The following MET variants were observed in gnomAD, a reference collection of about 807,000 sequenced individuals.
MET encodes MET proto-oncogene, receptor tyrosine kinase.
MET carries 48 observed loss-of-function variants against 133.1 expected under a neutral mutation model. The observed-to-expected ratio is 0.36, with a 90% CI of 0.29 to 0.46. MET has a LOEUF of 0.46. Ranked by LOEUF, MET falls within the 20% of genes least tolerant of loss-of-function variation. MET has a pLI of 1.00. For synonymous variants in MET, 628 were observed against 616.5 expected, an observed-to-expected ratio of 1.02 and a Z score of -0.28; for missense variants, 1,442 against 1,695.9, an observed-to-expected ratio of 0.85 and a Z score of 2.63.
At chr7:116,766,540 A>G (rs1424956700) in intron 11 of MET, among the ~76,000 whole-genome samples, 2 of 152,126 alleles carry the variant, frequency 1.3e-5, no homozygotes, top group Non-Finnish European at 2.9e-5. Context: ...TGAATAATTT[A>G]TGTGCAACTC....
rs41737 is a variant in MET at position 116,796,043 on chromosome 7, G to A, written c.4092G>A (p.Pro1364=). ...ATGTGAACGTAAAATGTGTCGCTCC[G>A]TATCCTTCTCTGTTGTCATCAGAAG... ...ATYVNVKCVA[P]YPSLLSSEDN... Residue 1364 remains proline, a synonymous_variant, in exon 21 of 21, where the codon CCG becomes CCA. Transcript: ENST00000397752. 703,003 of 1,613,794 alleles carry A rather than the reference G, an allele frequency of 0.44. 158,361 individuals are homozygous for A. The highest frequency in any genetic ancestry group is 0.49 in the Admixed American group (29,645 of 59,998).
intron 5 of MET, among the ~76,000 whole-genome samples, chr7:116,746,505 G>C (rs201419562): frequency 2.6e-5 from 4 of 152,066 alleles, no homozygotes; most frequent in African/African-American, 7.2e-5. Context: ...GCACTATTCA[G>C]AATAGCAAAG....
rs2116983199 is a variant in MET at position 116,769,693 on chromosome 7, G to A, written c.2632G>A (p.Gly878Arg). The A allele has an allele frequency of 6.2e-7, 1 of 1,613,142 alleles. No individual in the cohort carries two copies. Among genetic ancestry groups the A allele is most frequent in the Non-Finnish European group, 8.5e-7 (1 of 1,179,660 alleles). Residue 878 changes from glycine (G) to arginine (R), a missense_variant, in exon 12 of 21, where the codon GGA becomes AGA. Transcript: ENST00000397752. ...EAVKGEVLKV[G>R]NKSCENIHLH... Reference sequence around the variant, plus strand: ...AGTTAAAGGTGAAGTGTTAAAAGTTGGAAATAAGAGCTGTGAGAATATACA... The same window carrying A: ...AGTTAAAGGTGAAGTGTTAAAAGTTAGAAATAAGAGCTGTGAGAATATACA...
chr7:116,764,621 C>T (rs927417354), intron 11 of MET, among the ~76,000 whole-genome samples: 6 of 152,182 alleles, frequency 3.9e-5, no homozygotes, highest in Non-Finnish European at 7.4e-5. Context: ...GAGAAAACTT[C>T]TCTTTCCATA....
chr7:116,709,041 C>A lies in MET; in HGVS notation c.1200+8757C>A, dbSNP rs963251827. 6.5e-4 allele frequency among the ~76,000 whole-genome samples: 99 copies of A among 152,276 alleles called. 2 individuals are homozygous for A. Among genetic ancestry groups the A allele is most frequent in the African/African-American group, 2.3e-3 (96 of 41,550 alleles). ...GCATCCATTTTTAGACCATTTCCTT[C>A]TCATGAGAATCATGTGCATGGAGGG... On this transcript the variant is annotated intron_variant, in intron 2 of 20. Coordinates refer to ENST00000397752, the MANE Select transcript of MET (RefSeq NM_000245.4).
At chr7:116,755,598 A>G (rs2116912075) in intron 6 of MET, 83 bp downstream of exon 6, 1 of 1,552,434 alleles carries the variant, frequency 6.4e-7, no homozygotes, top group South Asian at 1.1e-5. Context: ...AAAATTGCTC[A>G]AGAAGCTCAT....
At chr7:116,767,167 C>A (rs1415907396) in intron 11 of MET, among the ~76,000 whole-genome samples, 1 of 152,256 alleles carries the variant, frequency 6.6e-6, no homozygotes, top group East Asian at 1.9e-4. Context: ...ACTTGAAGGA[C>A]CCTCCTCTCA....
intron 17 of MET, among the ~76,000 whole-genome samples, chr7:116,779,936 T>C (rs1188974766): frequency 6.6e-6 from 1 of 152,152 alleles, no homozygotes; most frequent in African/African-American, 2.4e-5. Context: ...AATAAACAAA[T>C]AAACAATAGC....
At chr7:116,738,815 G>A (rs1793336670) in intron 3 of MET, among the ~76,000 whole-genome samples, 1 of 152,204 alleles carries the variant, frequency 6.6e-6, no homozygotes, top group African/African-American at 2.4e-5. Context: ...GTGTTTGTTA[G>A]AGTACAAAGC....
At chr7:116,738,518 C>T (rs1180735012) in intron 3 of MET, among the ~76,000 whole-genome samples, 1 of 152,108 alleles carries the variant, frequency 6.6e-6, no homozygotes, top group African/African-American at 2.4e-5. Flanking sequence ...ACCAAGTGAC[C>T]CTTCATCCAT....
At chr7:116,707,818 T>C (rs1217657808) in intron 2 of MET, among the ~76,000 whole-genome samples, 3 of 152,186 alleles carry the variant, frequency 2.0e-5, no homozygotes, top group Admixed American at 2.0e-4. Context: ...AAAAATATCT[T>C]GACAATAAAA....
At chr7:116,698,664 T>A (rs1797051431) in intron 1 of MET, among the ~76,000 whole-genome samples, 1 of 152,242 alleles carries the variant, frequency 6.6e-6, no homozygotes, top group Non-Finnish European at 1.5e-5. Context: ...TTCCTTTACT[T>A]GACTAACAGA....
intron 1 of MET, 149 bp downstream of exon 1, chr7:116,672,726 A>C (rs963338663): frequency 4.9e-5 from 18 of 368,912 alleles, no homozygotes; most frequent in African/African-American, 3.6e-4. Flanking sequence ...AACTGAAGAG[A>C]CGTGGCCACG....
intron 1 of MET, 99 bp downstream of exon 1, chr7:116,672,676 G>A (rs889595920): frequency 2.7e-6 from 1 of 372,890 alleles, no homozygotes; most frequent in Non-Finnish European, 4.8e-6. Flanking sequence ...GTTCCAGGGG[G>A]CAAAACCACG....
chr7:116,765,286 C>CAAAAAA (rs754418396), intron 11 of MET, among the ~76,000 whole-genome samples: 2 of 31,888 alleles, frequency 6.3e-5, no homozygotes, highest in African/African-American at 1.1e-4. Flanking sequence ...GGAGACAGAG[C>CAAAAAA]AAAAAAAAAA....
chr7:116,793,347 G>C (rs1360762307), intron 19 of MET, among the ~76,000 whole-genome samples: 1 of 151,702 alleles, frequency 6.6e-6, no homozygotes, highest in Non-Finnish European at 1.5e-5. Context: ...GCTAATTTTT[G>C]TATTTTTAGT....
chr7:116,716,423 GGAAGGAAAGAAA>G (rs1051037610), intron 2 of MET, among the ~76,000 whole-genome samples: 31 of 141,114 alleles, frequency 2.2e-4, no homozygotes, highest in East Asian at 2.1e-3. Context: ...GAAAGAGTAA[GGAAGGAAAGAAA>G]GAAGGAAAGA....
intron 5 of MET, among the ~76,000 whole-genome samples, chr7:116,750,192 T>A (rs1793861567): frequency 6.6e-6 from 1 of 151,738 alleles, no homozygotes; most frequent in African/African-American, 2.4e-5. Context: ...TACTACAAGG[T>A]TGCAGTAACC....
chr7:116,730,536 C>A (rs551956067), intron 2 of MET, among the ~76,000 whole-genome samples: 1 of 152,116 alleles, frequency 6.6e-6, no homozygotes, highest in African/African-American at 2.4e-5. Flanking sequence ...AGTTAAGAAG[C>A]CGCCGCAGTA....
Sources: gnomAD v4.1 joint callset for allele counts (sites outside exome capture counted in the v4.1 genomes callset) on GRCh38, gnomAD v4.1.1 for gene constraint, MANE v1.5 for transcripts, NCBI Gene and HGNC (gene_info 2026-07-23, HGNC 2026-07-21) for gene names.